FAM110B: variants seen among roughly 807,000 people sequenced by gnomAD.
The protein encoded by FAM110B is family with sequence similarity 110 member B.
FAM110B carries 6 observed loss-of-function variants against 20.4 expected under a neutral mutation model. The observed-to-expected ratio is 0.29, with a 90% CI of 0.16 to 0.58. The LOEUF is 0.58. Ranked by LOEUF, FAM110B falls within the 20% of genes least tolerant of loss-of-function variation. The pLI is 0.90. For missense variants in FAM110B, 434 were observed against 498.2 expected, an observed-to-expected ratio of 0.87 and a Z score of 1.23; for synonymous variants, 226 against 214.1, an observed-to-expected ratio of 1.06 and a Z score of -0.49.
Position 58,060,479 on chromosome 8 carries a change from AT to A in FAM110B, c.-413-15054del, listed in dbSNP as rs1266183078. On this transcript the variant is annotated intron_variant, in intron 2 of 3. Coordinates refer to ENST00000519262, the MANE Select transcript of FAM110B (RefSeq NM_001377989.1). ...CAGAAAGGAAAATAGATGAACTGAA[AT>A]TCCAATTAATCTCACACAACCAAGA... Among the ~76,000 whole-genome samples, 3 of 152,300 alleles carry A rather than the reference AT, an allele frequency of 2.0e-5. No individual in the cohort carries two copies. In the East Asian group the frequency reaches 5.8e-4, roughly 29 times the overall value.
chr8:58,120,804 T>C (rs899062159), intron 3 of FAM110B, among the ~76,000 whole-genome samples: 4 of 152,316 alleles, frequency 2.6e-5, no homozygotes, highest in Non-Finnish European at 5.9e-5. Context: ...CTAGGCTAGA[T>C]GGAAGACTGG....
At chr8:58,029,291 A>G (rs1184014767) in intron 1 of FAM110B, among the ~76,000 whole-genome samples, 2 of 152,346 alleles carry the variant, frequency 1.3e-5, no homozygotes, top group East Asian at 1.9e-4. Flanking sequence ...CAGCAAACCT[A>G]TGATTATGAT....
intron 1 of FAM110B, among the ~76,000 whole-genome samples, chr8:58,011,775 G>A (rs772541149): frequency 6.6e-6 from 1 of 152,194 alleles, no homozygotes; most frequent in African/African-American, 2.4e-5. Flanking sequence ...ATGACATTTA[G>A]TTCTGGAAGA....
chr8:58,116,747 A>G (rs1318616052), intron 3 of FAM110B, among the ~76,000 whole-genome samples: 4 of 152,236 alleles, frequency 2.6e-5, no homozygotes, highest in Non-Finnish European at 5.9e-5. Flanking sequence ...CCAAGAGATT[A>G]TAAATGAATG....
chr8:58,051,436 T>C (rs572740084), intron 2 of FAM110B, among the ~76,000 whole-genome samples: 28 of 152,288 alleles, frequency 1.8e-4, no homozygotes, highest in African/African-American at 5.5e-4. Context: ...AAATGTTTTG[T>C]GTTCCTTGAA....
rs188625156 is a variant in FAM110B, at chr8:58,104,822, A to C, written c.-325+29199A>C. On this transcript the variant is annotated intron_variant, in intron 3 of 3. Coordinates refer to ENST00000519262, the MANE Select transcript of FAM110B (RefSeq NM_001377989.1). ...GCGATTTCTTAAAGGATAGAAAAAC[A>C]CTTTGTTAATGGAGAAAACCAGAAG... Among the ~76,000 whole-genome samples the C allele has an allele frequency of 3.7e-4, 56 of 152,338 alleles. No homozygotes were observed. In the East Asian group the frequency reaches 8.1e-3, roughly 22 times the overall value.
intron 1 of FAM110B, among the ~76,000 whole-genome samples, chr8:58,016,335 C>T (rs77892869): frequency 0.023 from 3,430 of 152,252 alleles, 132 homozygotes; most frequent in African/African-American, 0.078. Flanking sequence ...TGTGGGGATT[C>T]GGAGTTTCTT....
chr8:58,043,096 T>C (rs1226489113), intron 2 of FAM110B: 1 of 152,250 alleles, frequency 6.6e-6, no homozygotes, highest in Non-Finnish European at 1.5e-5. Context: ...CAGGGCAGGC[T>C]GCACGAGCCT....
At chr8:58,025,526 G>T (rs970884748) in intron 1 of FAM110B, among the ~76,000 whole-genome samples, 8 of 152,152 alleles carry the variant, frequency 5.3e-5, no homozygotes, top group Admixed American at 4.6e-4. Context: ...TGTAGGTGAT[G>T]AGGAGCAGTG....
At chr8:58,011,239 G>A (rs917925580) in intron 1 of FAM110B, among the ~76,000 whole-genome samples, 3 of 152,104 alleles carry the variant, frequency 2.0e-5, no homozygotes, top group African/African-American at 7.2e-5. Flanking sequence ...CAGAGCCCTG[G>A]CTGGCATGGC....
At chr8:58,031,871 C>T (rs1056064681) in intron 2 of FAM110B, among the ~76,000 whole-genome samples, 168 bp downstream of exon 2, 7 of 152,138 alleles carry the variant, frequency 4.6e-5, no homozygotes, top group African/African-American at 1.7e-4. Flanking sequence ...CTCCCTTCCT[C>T]CCCCTTCCTT....
At chr8:58,040,241 C>A (rs556405782) in intron 2 of FAM110B, among the ~76,000 whole-genome samples, 3 of 152,034 alleles carry the variant, frequency 2.0e-5, no homozygotes, top group African/African-American at 7.3e-5. Context: ...ACAAATAATT[C>A]TGTCCCCAAA....
intron 1 of FAM110B, chr8:58,031,333 G>A (rs978032437): frequency 6.6e-6 from 1 of 152,132 alleles, no homozygotes; most frequent in African/African-American, 2.4e-5. Context: ...GTGCAAAGCC[G>A]GGGTTCCCCA....
chr8:58,140,665 A>G (rs542285758), intron 3 of FAM110B, among the ~76,000 whole-genome samples: 38 of 152,174 alleles, frequency 2.5e-4, no homozygotes, highest in Non-Finnish European at 4.7e-4. Context: ...TAAAATCCAA[A>G]GTCATCTGCC....
chr8:57,995,724 C>G (rs956717170), intron 1 of FAM110B, among the ~76,000 whole-genome samples: 1 of 152,154 alleles, frequency 6.6e-6, no homozygotes, highest in African/African-American at 2.4e-5. Flanking sequence ...GCTTTTTAAC[C>G]CTTTCAAGTT....
At chr8:58,121,189 C>G (rs1807352929) in intron 3 of FAM110B, among the ~76,000 whole-genome samples, 1 of 152,134 alleles carries the variant, frequency 6.6e-6, no homozygotes, top group South Asian at 2.1e-4. Context: ...TGGGGAGGTG[C>G]CATGCAAACA....
chr8:58,082,515 C>G (rs1243188273), intron 3 of FAM110B, among the ~76,000 whole-genome samples: 2 of 152,164 alleles, frequency 1.3e-5, no homozygotes, highest in African/African-American at 4.8e-5. Flanking sequence ...CATGTACATT[C>G]TTTAGTCTAT....
At chr8:58,081,711 C>T (rs754414372) in intron 3 of FAM110B, among the ~76,000 whole-genome samples, 14 of 152,126 alleles carry the variant, frequency 9.2e-5, no homozygotes, top group Non-Finnish European at 1.9e-4. Flanking sequence ...GCCCGAAATC[C>T]CCTATCCATT....
rs1183722753 is a variant in FAM110B at position 58,146,073 on chromosome 8, G to A, written c.-158G>A. ...TATGAAAGCCACCGTGGCGGTTAAT[G>A]AGCTGTGAGATGAGGCGCTGCTGCG... is the stretch of plus-strand genomic sequence containing the variant. On this transcript the variant is annotated 5_prime_UTR_variant, in exon 4 of 4. The change abolishes an upstream ATG in the 5' untranslated region. Coordinates refer to ENST00000519262, the MANE Select transcript of FAM110B (RefSeq NM_001377989.1). 2.5e-6 allele frequency: 2 copies of A among 794,128 alleles called. No individual in the cohort carries two copies. Among genetic ancestry groups the A allele is most frequent in the Non-Finnish European group, 3.9e-6 (2 of 514,872 alleles). 49.2% of individuals were successfully genotyped at this position (794,128 alleles called of 1,614,324 possible). A position where few individuals can be genotyped will look rare whatever the true frequency, so the allele number is the denominator to read the frequency against.
Sources: gnomAD v4.1 joint callset for allele counts (sites outside exome capture counted in the v4.1 genomes callset) on GRCh38, gnomAD v4.1.1 for gene constraint, MANE v1.5 for transcripts, NCBI Gene and HGNC (gene_info 2026-07-23, HGNC 2026-07-21) for gene names.